SUMF1: variants seen among roughly 807,000 people sequenced by gnomAD.
The protein encoded by SUMF1 is sulfatase modifying factor 1, also known as formylglycine-generating enzyme.
A neutral mutation model predicts 47.6 loss-of-function variants in SUMF1; 48 were observed. The observed-to-expected ratio is 1.01, with a 90% CI of 0.80 to 1.28. The LOEUF is 1.28. SUMF1 is among the 50% of genes most tolerant of loss of function. The probability of loss-of-function intolerance (pLI) is 0.00; values close to 1 mark genes in which losing one functional copy is unlikely to be tolerated. For synonymous variants in SUMF1, 230 were observed against 192.1 expected (o/e 1.20, Z -1.63); for missense variants, 571 against 485.4 (o/e 1.18, Z -1.66).
chr3:4,211,309 T>G (rs1185894898), intron 8 of SUMF1, among the ~76,000 whole-genome samples: 1 of 149,386 alleles, frequency 6.7e-6, no homozygotes, highest in Admixed American at 6.7e-5. Context: ...TTTTTCCTGA[T>G]CCTCTCCTTC....
At chr3:4,456,797 T>C (rs201917511) in intron 1 of SUMF1, among the ~76,000 whole-genome samples, 59 of 26,744 alleles carry the variant, frequency 2.2e-3, no homozygotes, top group East Asian at 0.012. Flanking sequence ...TGTGTATATA[T>C]ACGTGTATAT....
intron 8 of SUMF1, among the ~76,000 whole-genome samples, chr3:4,215,859 A>T (rs568063950): frequency 2.6e-4 from 39 of 152,312 alleles, no homozygotes; most frequent in African/African-American, 9.1e-4. Context: ...CTTCCAGGAG[A>T]ACTACAAACC....
At chr3:4,428,003 T>C (rs1429421322) in intron 3 of SUMF1, among the ~76,000 whole-genome samples, 1 of 152,204 alleles carries the variant, frequency 6.6e-6, no homozygotes, top group Non-Finnish European at 1.5e-5. Flanking sequence ...TTAAAAACAA[T>C]TTTTACTCAT....
At chr3:4,257,999 C>A (rs1696994496) in intron 8 of SUMF1, among the ~76,000 whole-genome samples, 1 of 152,064 alleles carries the variant, frequency 6.6e-6, no homozygotes, top group Non-Finnish European at 1.5e-5. Flanking sequence ...CTGACAAAAA[C>A]AAGCAATGGG....
chr3:4,440,710 A>G (rs1437356394), intron 3 of SUMF1, among the ~76,000 whole-genome samples: 1 of 152,234 alleles, frequency 6.6e-6, no homozygotes, highest in East Asian at 1.9e-4. Flanking sequence ...AATGAAAGTG[A>G]CTTTCAGTTG....
chr3:4,415,587 A>G (rs1435014160), intron 6 of SUMF1, among the ~76,000 whole-genome samples: 1 of 152,058 alleles, frequency 6.6e-6, no homozygotes, highest in African/African-American at 2.4e-5. Context: ...CTGAGGCGGG[A>G]GGATCGCCTG....
intron 8 of SUMF1, among the ~76,000 whole-genome samples, chr3:4,314,586 A>C (rs561629920): frequency 6.6e-6 from 1 of 152,268 alleles, no homozygotes; most frequent in East Asian, 1.9e-4. Context: ...TTCATTATAT[A>C]CTTGGCTGTA....
chr3:4,397,736 T>C (rs1221094875), intron 7 of SUMF1, among the ~76,000 whole-genome samples: 3 of 152,156 alleles, frequency 2.0e-5, no homozygotes, highest in African/African-American at 7.2e-5. Context: ...GTGTTATTTA[T>C]AATTGCATGC....
intron 1 of SUMF1, among the ~76,000 whole-genome samples, chr3:4,461,040 C>T (rs1575256505): frequency 6.6e-6 from 1 of 152,190 alleles, no homozygotes; most frequent in African/African-American, 2.4e-5. Flanking sequence ...TCTATATCCC[C>T]ACTGCCTAGC....
At chr3:4,215,250 A>G (rs1695894656) in intron 8 of SUMF1, among the ~76,000 whole-genome samples, 1 of 152,212 alleles carries the variant, frequency 6.6e-6, no homozygotes, top group Admixed American at 6.5e-5. Flanking sequence ...ACATATGCAA[A>G]TCAATAAACA....
chr3:4,224,016 C>T (rs764369456), intron 8 of SUMF1, among the ~76,000 whole-genome samples: 8 of 151,940 alleles, frequency 5.3e-5, no homozygotes, highest in Non-Finnish European at 8.8e-5. Flanking sequence ...CAAGAAGGAA[C>T]AGGAGGGAAA....
intron 8 of SUMF1, among the ~76,000 whole-genome samples, chr3:4,338,747 G>C (rs910230460): frequency 1.3e-5 from 2 of 152,020 alleles, no homozygotes; most frequent in African/African-American, 4.8e-5. Flanking sequence ...AGTCTCATAT[G>C]TATACCTAGT....
intron 1 of SUMF1, among the ~76,000 whole-genome samples, chr3:4,464,780 T>C (rs1235764543): frequency 6.6e-6 from 1 of 152,242 alleles, no homozygotes; most frequent in Non-Finnish European, 1.5e-5. Flanking sequence ...ATTGTCTTGA[T>C]AACAAGACTG....
chr3:4,376,305 A>G (rs17040575), intron 8 of SUMF1, 25 bp downstream of exon 8: 1 of 1,614,030 alleles, frequency 6.2e-7, no homozygotes, highest in South Asian at 1.1e-5. Context: ...CAAGAACGGC[A>G]AAACAGTTTA....
intron 8 of SUMF1, among the ~76,000 whole-genome samples, chr3:4,209,249 A>T (rs1695722078): frequency 6.6e-6 from 1 of 152,174 alleles, no homozygotes; most frequent in Admixed American, 6.6e-5. Context: ...ACACTCTACT[A>T]TAAAGATTTT....
At chr3:4,110,592 C>A (rs1693274961) in intron 8 of SUMF1, among the ~76,000 whole-genome samples, 1 of 151,788 alleles carries the variant, frequency 6.6e-6, no homozygotes, top group Non-Finnish European at 1.5e-5. Context: ...TGGAACCAAC[C>A]CAAATGTCCA....
intron 8 of SUMF1, among the ~76,000 whole-genome samples, chr3:4,271,519 A>ATAGATAGATAGG (rs1163605070): frequency 4.8e-5 from 4 of 83,346 alleles, no homozygotes; most frequent in Admixed American, 1.2e-4. Flanking sequence ...AGATAGATAG[A>ATAGATAGATAGG]TACAGAGAGG....
intron 6 of SUMF1, among the ~76,000 whole-genome samples, chr3:4,416,774 T>C (rs1056602674): frequency 2.0e-5 from 3 of 152,156 alleles, no homozygotes; most frequent in African/African-American, 7.2e-5. Context: ...ACTCAATAAC[T>C]ACACGCCATT....
chr3:4,341,333 C>T (rs957985472), intron 8 of SUMF1, among the ~76,000 whole-genome samples: 2 of 152,058 alleles, frequency 1.3e-5, no homozygotes, highest in Admixed American at 6.6e-5. Context: ...CCTACCATGC[C>T]GGAGTGGCTC....
Sources: allele counts gnomAD v4.1 joint callset (sites outside exome capture counted in the v4.1 genomes callset), GRCh38; gene constraint gnomAD v4.1.1; transcripts MANE v1.5; gene names NCBI Gene and HGNC (gene_info 2026-07-23, HGNC 2026-07-21).